Variants in CDK17 observed in about 807,000 individuals in gnomAD.
CDK17 encodes the protein cyclin-dependent kinase 17.
In CDK17, 24 loss-of-function variants were observed where a neutral mutation model predicts 77.6. That is an observed-to-expected ratio of 0.31 (90% CI 0.22 to 0.44). The LOEUF is 0.44. CDK17 is among the 20% of genes least tolerant of loss of function. CDK17 has a pLI of 1.00. For missense variants in CDK17, 429 were observed against 622.5 expected (o/e 0.69, Z 3.31); for synonymous variants, 203 against 210.4 (o/e 0.96, Z 0.30).
At chr12:96,330,087 A>G (rs1952946469) in intron 2 of CDK17, among the ~76,000 whole-genome samples, 1 of 152,186 alleles carries the variant, frequency 6.6e-6, no homozygotes, top group African/African-American at 2.4e-5. Flanking sequence ...ACATAATTTT[A>G]CCTTTCTACA....
rs1343777100 is a variant in CDK17, at chr12:96,289,256, C to G, written c.1029G>C (p.Lys343Asn). The change falls in exon 11 of 17, where the codon AAG (lysine) becomes AAC (asparagine). Residue 343 changes from lysine to asparagine, a missense_variant. By Grantham distance (94) the Lys-to-Asn change is moderately conservative (BLOSUM62 0). Coordinates refer to ENST00000261211, the MANE Select transcript of CDK17 (RefSeq NM_002595.5). ...GLARAKSVPTKTYSNEVVTLW... is the reference protein window; with the variant it reads ...GLARAKSVPTNTYSNEVVTLW... ...GTGTGACAACTTCATTTGAGTAGGT[C>G]TTTGTGGGAACTGACTTGGCTCGGG... 1 of 1,613,872 alleles carries G rather than the reference C, an allele frequency of 6.2e-7. No individual in the cohort carries two copies. The highest frequency in any genetic ancestry group is 8.5e-7 in the Non-Finnish European group (1 of 1,179,846).
intron 1 of CDK17, among the ~76,000 whole-genome samples, chr12:96,396,379 T>C: frequency 6.6e-6 from 1 of 152,224 alleles, no homozygotes; most frequent in South Asian, 2.1e-4. Flanking sequence ...CCAGTCTAAC[T>C]GGTCCTCTCC....
intron 5 of CDK17, among the ~76,000 whole-genome samples, chr12:96,305,089 C>T (rs1332419796): frequency 6.6e-6 from 1 of 152,192 alleles, no homozygotes; most frequent in East Asian, 1.9e-4. Flanking sequence ...ATCGTAAGGG[C>T]AAGGAAGCTC....
chr12:96,304,313 C>T (rs1172077385), intron 5 of CDK17, among the ~76,000 whole-genome samples: 5 of 152,162 alleles, frequency 3.3e-5, no homozygotes, highest in Admixed American at 1.3e-4. Context: ...CCGAGAAGGG[C>T]GGATCATGAG....
At chr12:96,280,536 G>C (rs1311976264) in intron 16 of CDK17, 1 of 1,414,208 alleles carries the variant, frequency 7.1e-7, no homozygotes, top group African/African-American at 1.4e-5. Context: ...CGTGTGCAGT[G>C]ATCAAGCCAG....
chr12:96,350,404 G>A (rs985974506), intron 1 of CDK17, among the ~76,000 whole-genome samples: 1 of 149,656 alleles, frequency 6.7e-6, no homozygotes, highest in Non-Finnish European at 1.5e-5. Context: ...GGAATTCCAA[G>A]GAACCTTGAA....
chr12:96,367,807 A>T (rs950004923), intron 1 of CDK17, among the ~76,000 whole-genome samples: 1 of 151,640 alleles, frequency 6.6e-6, no homozygotes, highest in Non-Finnish European at 1.5e-5. Context: ...ACTTGAGCCC[A>T]GAGTTCAAGA....
chr12:96,392,885 AAC>A (rs1253405219), intron 1 of CDK17, among the ~76,000 whole-genome samples: 1 of 152,268 alleles, frequency 6.6e-6, no homozygotes, highest in Non-Finnish European at 1.5e-5. Context: ...ATACTCAGAC[AAC>A]CAACATTGCT....
intron 3 of CDK17, among the ~76,000 whole-genome samples, chr12:96,323,281 AAAACAAAAAC>A (rs200851266): frequency 0.19 from 27,446 of 147,048 alleles, 3,190 homozygotes; most frequent in East Asian, 0.55. Flanking sequence ...AAAAAAAAAA[AAAACAAAAAC>A]AAACAAACAA....
At chr12:96,343,133 G>A (rs956229530) in intron 1 of CDK17, among the ~76,000 whole-genome samples, 2 of 152,348 alleles carry the variant, frequency 1.3e-5, no homozygotes, top group South Asian at 4.1e-4. Context: ...CACTTGAGGT[G>A]TAAAATGTCA....
intron 2 of CDK17, among the ~76,000 whole-genome samples, chr12:96,326,032 G>C (rs1361018229): frequency 1.3e-5 from 2 of 152,056 alleles, no homozygotes; most frequent in African/African-American, 4.8e-5. Context: ...TCAAGAAAGA[G>C]AAAAGAAAAA....
intron 2 of CDK17, among the ~76,000 whole-genome samples, chr12:96,328,593 G>T (rs763559926): frequency 2.6e-5 from 4 of 152,148 alleles, no homozygotes; most frequent in Non-Finnish European, 5.9e-5. Flanking sequence ...AAGAATTGGG[G>T]ACAATGCCTA....
At chr12:96,286,838 G>C in intron 11 of CDK17, 77 bp from the exon 12 acceptor site, 1 of 1,233,322 alleles carries the variant, frequency 8.1e-7, no homozygotes, top group African/African-American at 1.5e-5. Context: ...CCTTAAGGTT[G>C]CCTCTCTGCA....
chr12:96,328,710 C>T (rs1201544320), intron 2 of CDK17, among the ~76,000 whole-genome samples: 1 of 151,982 alleles, frequency 6.6e-6, no homozygotes, highest in Non-Finnish European at 1.5e-5. Flanking sequence ...TCTAAGATTC[C>T]CATTACACAT....
chr12:96,384,390 A>G (rs1004781010), intron 1 of CDK17, among the ~76,000 whole-genome samples: 2 of 152,196 alleles, frequency 1.3e-5, no homozygotes, highest in Admixed American at 6.5e-5. Flanking sequence ...ATTCAATTCA[A>G]TAATCCCATT....
Position 96,359,762 on chromosome 12 carries a change from T to C in CDK17, c.-29-24897A>G, listed in dbSNP as rs923665566. On this transcript the variant is annotated intron_variant, in intron 1 of 16. Transcript: ENST00000261211. Reference sequence around the variant, plus strand: ...CAATTTCTTAAAAAGATTTATACTATAAAACTCAAAGAGCAGATAAAGTTT... The same window carrying C: ...CAATTTCTTAAAAAGATTTATACTACAAAACTCAAAGAGCAGATAAAGTTT... 5.3e-5 allele frequency among the ~76,000 whole-genome samples: 8 copies of C among 152,176 alleles called. No homozygotes were observed. The South Asian group carries it at 8.3e-4, about 16-fold the overall frequency.
chr12:96,317,866 G>A (rs910096187), intron 3 of CDK17, among the ~76,000 whole-genome samples: 200 of 149,080 alleles, frequency 1.3e-3, no homozygotes, highest in Middle Eastern at 3.4e-3. Flanking sequence ...AAAGACCATC[G>A]AGACTAGGAA....
At chr12:96,346,963 CTGAAAG>C (rs1204789910) in intron 1 of CDK17, among the ~76,000 whole-genome samples, 4 of 150,290 alleles carry the variant, frequency 2.7e-5, no homozygotes, top group Non-Finnish European at 5.9e-5. Context: ...CACTAAGAAA[CTGAAAG>C]TGAAAGGATA....
intron 1 of CDK17, among the ~76,000 whole-genome samples, chr12:96,343,855 G>T (rs957900136): frequency 3.3e-5 from 5 of 152,122 alleles, no homozygotes; most frequent in Admixed American, 2.0e-4. Flanking sequence ...AAGAAAAAAA[G>T]CATTTGACAG....
Sources: gnomAD v4.1 joint callset for allele counts (sites outside exome capture counted in the v4.1 genomes callset) on GRCh38, gnomAD v4.1.1 for gene constraint, MANE v1.5 for transcripts, NCBI Gene and HGNC (gene_info 2026-07-23, HGNC 2026-07-21) for gene names.